Variants in KHDRBS2 observed in about 807,000 individuals in gnomAD.
KHDRBS2 encodes KH domain-containing, RNA-binding, signal transduction-associated protein 2.
A neutral mutation model predicts 44.3 loss-of-function variants in KHDRBS2; 26 were observed. That is an observed-to-expected ratio of 0.59 (90% CI 0.43 to 0.81). The LOEUF is 0.81. KHDRBS2 is among the 40% of genes least tolerant of loss of function. The pLI, the probability that KHDRBS2 is intolerant of heterozygous loss-of-function variation, is 0.00. For missense variants in KHDRBS2, 476 were observed against 433.1 expected, an observed-to-expected ratio of 1.10 and a Z score of -0.88; for synonymous variants, 194 against 151.1, an observed-to-expected ratio of 1.28 and a Z score of -2.08.
intron 2 of KHDRBS2, among the ~76,000 whole-genome samples, chr6:62,112,643 G>T (rs1422406964): frequency 6.6e-6 from 1 of 152,110 alleles, no homozygotes; most frequent in Non-Finnish European, 1.5e-5. Flanking sequence ...CTTATATAAT[G>T]AAAGAGTGGT....
the KHDRBS2 span, among the ~76,000 whole-genome samples, chr6:61,611,488 C>T: frequency 6.6e-6 from 1 of 152,072 alleles, no homozygotes; most frequent in Admixed American, 6.6e-5. Flanking sequence ...ACAATGAAAC[C>T]TTAAATTTAA....
At chr6:61,643,260 C>G in the KHDRBS2 span, among the ~76,000 whole-genome samples, 1 of 152,078 alleles carries the variant, frequency 6.6e-6, no homozygotes, top group Non-Finnish European at 1.5e-5. Context: ...TAAAATTTAG[C>G]AAGGTTTCAT....
the KHDRBS2 span, among the ~76,000 whole-genome samples, chr6:61,566,501 C>A: frequency 6.6e-6 from 1 of 152,104 alleles, no homozygotes; most frequent in Non-Finnish European, 1.5e-5. Context: ...ATCACATGTA[C>A]CCCATAAACA....
chr6:62,125,726 T>C (rs1808805342), intron 2 of KHDRBS2, among the ~76,000 whole-genome samples: 2 of 152,126 alleles, frequency 1.3e-5, no homozygotes, highest in Admixed American at 6.5e-5. Context: ...ATGTCATTTC[T>C]AGACATACCC....
At chr6:61,707,382 T>C (rs890276142) in intron 7 of KHDRBS2, among the ~76,000 whole-genome samples, 2 of 151,758 alleles carry the variant, frequency 1.3e-5, no homozygotes, top group Non-Finnish European at 2.9e-5. Context: ...TAAGCCTTCA[T>C]TGACCACAAA....
intron 2 of KHDRBS2, among the ~76,000 whole-genome samples, chr6:62,070,452 T>A (rs1193153390): frequency 6.6e-6 from 1 of 152,036 alleles, no homozygotes; most frequent in East Asian, 1.9e-4. Context: ...ACTCGTCATT[T>A]AACATTAGGT....
chr6:61,751,787 A>C (rs761218448), intron 6 of KHDRBS2, among the ~76,000 whole-genome samples: 7 of 152,144 alleles, frequency 4.6e-5, no homozygotes, highest in Non-Finnish European at 8.8e-5. Context: ...ACATTCATTC[A>C]TTTTCTCACA....
intron 6 of KHDRBS2, among the ~76,000 whole-genome samples, chr6:61,770,501 G>A (rs1317343120): frequency 6.6e-6 from 1 of 152,204 alleles, no homozygotes; most frequent in African/African-American, 2.4e-5. Context: ...AGGACCTGAT[G>A]GAGCTGAAAA....
chr6:61,988,210 A>G (rs1176967649), intron 3 of KHDRBS2, among the ~76,000 whole-genome samples: 1 of 152,194 alleles, frequency 6.6e-6, no homozygotes, highest in Non-Finnish European at 1.5e-5. Flanking sequence ...CAAACAGTGA[A>G]AGAGTGTCTT....
rs149561035 is a variant in KHDRBS2 at position 62,051,868 on chromosome 6, T to C, written c.220-3874A>G. ...AAGAAATAAAAATAAACAACAGGTA[T>C]ATGAAAAGATGCTCAACATCATTAA... On this transcript the variant is annotated intron_variant, in intron 2 of 8. Transcript: ENST00000281156. Among the ~76,000 whole-genome samples the C allele has an allele frequency of 2.0e-5, 3 of 152,120 alleles. No homozygotes were observed. The East Asian group carries it at 5.8e-4, about 30-fold the overall frequency.
chr6:62,018,104 C>G (rs965473161), intron 3 of KHDRBS2, among the ~76,000 whole-genome samples: 2 of 151,026 alleles, frequency 1.3e-5, no homozygotes, highest in African/African-American at 4.9e-5. Context: ...ATAGCTAACA[C>G]TTAACATACA....
At chr6:61,706,845 C>G (rs1769649007) in intron 7 of KHDRBS2, among the ~76,000 whole-genome samples, 1 of 151,412 alleles carries the variant, frequency 6.6e-6, no homozygotes, top group Non-Finnish European at 1.5e-5. Context: ...AGACATTATT[C>G]AAAGTGTTAG....
intron 6 of KHDRBS2, among the ~76,000 whole-genome samples, chr6:61,840,937 T>G (rs1793505904): frequency 6.6e-6 from 1 of 152,158 alleles, no homozygotes; most frequent in Non-Finnish European, 1.5e-5. Flanking sequence ...CAGTGACCAC[T>G]GGAGGCCAAC....
intron 7 of KHDRBS2, among the ~76,000 whole-genome samples, chr6:61,703,139 T>A (rs1234930361): frequency 6.6e-6 from 1 of 151,874 alleles, no homozygotes; most frequent in Non-Finnish European, 1.5e-5. Flanking sequence ...AGGTTGTATT[T>A]ATATAAAATC....
intron 3 of KHDRBS2, among the ~76,000 whole-genome samples, chr6:62,041,834 T>A (rs1042119458): frequency 4.6e-5 from 7 of 152,094 alleles, no homozygotes; most frequent in East Asian, 1.9e-4. Context: ...CTACCCCATA[T>A]CCTGTTATTG....
Position 62,199,284 on chromosome 6 carries a change from A to C in KHDRBS2, c.92-21972T>G, listed in dbSNP as rs562042566. ...AATAAAGGTCATTCAATTAGGAAAA[A>C]AGGAAGTCAAATTGTCCCTGTTTGC... On this transcript the variant is annotated intron_variant, in intron 1 of 8. Transcript: ENST00000281156. Among the ~76,000 whole-genome samples, 105 of 152,154 alleles carry C rather than the reference A, an allele frequency of 6.9e-4. 2 individuals are homozygous for C. In the South Asian group the frequency reaches 0.021, roughly 31 times the overall value.
the KHDRBS2 span, among the ~76,000 whole-genome samples, chr6:61,653,626 AGAG>A: frequency 6.6e-5 from 10 of 151,892 alleles, no homozygotes; most frequent in Admixed American, 2.0e-4. Flanking sequence ...AGAGAGAGAG[AGAG>A]AGAGAGAGAG....
the KHDRBS2 span, among the ~76,000 whole-genome samples, chr6:61,644,979 G>T: frequency 6.6e-6 from 1 of 151,916 alleles, no homozygotes; most frequent in East Asian, 1.9e-4. Flanking sequence ...ATACTCAAAA[G>T]AATAAAAATT....
chr6:62,043,516 C>A (rs1787004178), intron 3 of KHDRBS2, among the ~76,000 whole-genome samples: 1 of 152,006 alleles, frequency 6.6e-6, no homozygotes, highest in Non-Finnish European at 1.5e-5. Context: ...GCATTCCTGG[C>A]TGGTCTTAAG....
Sources: gnomAD v4.1 joint callset for allele counts (sites outside exome capture counted in the v4.1 genomes callset) on GRCh38, gnomAD v4.1.1 for gene constraint, MANE v1.5 for transcripts, NCBI Gene and HGNC (gene_info 2026-07-23, HGNC 2026-07-21) for gene names.